CLINT1: variants seen among roughly 807,000 people sequenced by gnomAD.
CLINT1 encodes clathrin interacting protein localized in the trans-Golgi region.
In CLINT1, 15 loss-of-function variants were observed where a neutral mutation model predicts 70.4. The ratio of observed to expected loss-of-function variants is 0.21; its 90% CI spans 0.14 to 0.33. The LOEUF is 0.33. CLINT1 is among the 10% of genes least tolerant of loss of function. CLINT1 has a pLI of 1.00. For synonymous variants in CLINT1, 227 were observed against 254.7 expected (o/e 0.89, Z 1.04); for missense variants, 615 against 778.1 (o/e 0.79, Z 2.49).
intron 1 of CLINT1, among the ~76,000 whole-genome samples, chr5:157,854,107 C>CTA (rs1430618687): frequency 6.6e-6 from 1 of 152,188 alleles, no homozygotes; most frequent in Non-Finnish European, 1.5e-5. Context: ...AACTATCTTA[C>CTA]TATCTCTGCT....
intron 6 of CLINT1, among the ~76,000 whole-genome samples, chr5:157,806,490 G>A (rs1762388242): frequency 6.8e-6 from 1 of 147,844 alleles, no homozygotes; most frequent in Non-Finnish European, 1.5e-5. Context: ...ACTTGCATGT[G>A]ATGATTATTT....
At chr5:157,848,970 G>C (rs758239976) in intron 1 of CLINT1, among the ~76,000 whole-genome samples, 9 of 152,022 alleles carry the variant, frequency 5.9e-5, no homozygotes, top group Non-Finnish European at 1.3e-4. Flanking sequence ...CCGAATTTTT[G>C]TATTTTTAGT....
chr5:157,816,296 T>G (rs1456745880), intron 3 of CLINT1, among the ~76,000 whole-genome samples: 1 of 152,176 alleles, frequency 6.6e-6, no homozygotes, highest in Non-Finnish European at 1.5e-5. Context: ...AAGTTCGTAT[T>G]CATAAGTTTA....
intron 6 of CLINT1, among the ~76,000 whole-genome samples, chr5:157,806,963 G>A (rs13163722): frequency 0.083 from 12,279 of 147,464 alleles, 1,994 homozygotes; most frequent in Non-Finnish European, 0.12. Context: ...GATGTAAGTA[G>A]GAGAGAGAGA....
intron 11 of CLINT1, among the ~76,000 whole-genome samples, chr5:157,788,515 T>A (rs1264078828): frequency 6.6e-6 from 1 of 152,126 alleles, no homozygotes; most frequent in Non-Finnish European, 1.5e-5. Context: ...TGGAAACAAT[T>A]GAAATAATTA....
intron 1 of CLINT1, among the ~76,000 whole-genome samples, chr5:157,856,626 C>T (rs1031353051): frequency 2.0e-5 from 3 of 152,144 alleles, no homozygotes; most frequent in East Asian, 3.9e-4. Context: ...AAGATGCTTA[C>T]ATTTGGGGGG....
intron 1 of CLINT1, chr5:157,823,843 A>G: frequency 4.7e-6 from 1 of 210,982 alleles, no homozygotes; most frequent in Non-Finnish European, 8.2e-6. Flanking sequence ...GTGGCGAGCG[A>G]GCGTCACTGC....
chr5:157,807,574 A>G (rs921391923), intron 6 of CLINT1, among the ~76,000 whole-genome samples: 2 of 151,956 alleles, frequency 1.3e-5, no homozygotes, highest in Non-Finnish European at 2.9e-5. Context: ...CAAAAAATCT[A>G]CTCTTCTCTC....
At position 157,787,356 on chromosome 5, in the gene CLINT1, C is replaced by G; in HGVS notation, c.*290G>C. The G allele has an allele frequency of 2.7e-6, 1 of 372,730 alleles. No homozygotes were observed. The highest frequency in any genetic ancestry group is 7.7e-4 in the Middle Eastern group (1 of 1,306). 23.1% of individuals were successfully genotyped at this position (372,730 alleles called of 1,614,324 possible). ...TATTCCAGTCTTCCCACAAATTATG[C>G]TGTTAAATGGACTCTTCAGTTGATA... On this transcript the variant is annotated 3_prime_UTR_variant, in exon 12 of 12. Transcript: ENST00000411809.
At chr5:157,828,468 T>C (rs1254056272) in intron 1 of CLINT1, among the ~76,000 whole-genome samples, 1 of 151,980 alleles carries the variant, frequency 6.6e-6, no homozygotes, top group Non-Finnish European at 1.5e-5. Context: ...CACAAAAGTA[T>C]ATGAACGCTA....
At chr5:157,794,769 A>C in intron 9 of CLINT1, 129 bp downstream of exon 9, 1 of 700,190 alleles carries the variant, frequency 1.4e-6, no homozygotes, top group African/African-American at 1.8e-5. Flanking sequence ...CTTGTGAATA[A>C]ATTCTTTAGG....
intron 1 of CLINT1, among the ~76,000 whole-genome samples, chr5:157,855,021 G>A (rs1753707626): frequency 6.6e-6 from 1 of 151,950 alleles, no homozygotes. Context: ...GTAGACGCCT[G>A]TAATCCCAGC....
chr5:157,798,508 T>A (rs868114771), intron 8 of CLINT1, among the ~76,000 whole-genome samples: 10 of 152,270 alleles, frequency 6.6e-5, no homozygotes, highest in Middle Eastern at 3.4e-3. Context: ...GACAAAAAAA[T>A]TTAATCTAGA....
intron 1 of CLINT1, among the ~76,000 whole-genome samples, chr5:157,843,619 A>T (rs1167004483): frequency 6.6e-6 from 1 of 152,120 alleles, no homozygotes; most frequent in Non-Finnish European, 1.5e-5. Context: ...TAAAACTAAT[A>T]CTCCAAGAAA....
rs1762299520 is a variant in CLINT1 at position 157,803,691 on chromosome 5, C to T, written c.971G>A (p.Gly324Asp). 2 of 1,557,678 alleles carry T rather than the reference C, an allele frequency of 1.3e-6. No homozygotes were observed. The highest frequency in any genetic ancestry group is 1.7e-5 in the Admixed American group (1 of 57,626). The change falls in exon 8 of 12, where the codon GGT becomes GAT. Residue 324 changes from glycine (G) to aspartate (D), a missense_variant. Physicochemically the swap from Gly to Asp is moderately conservative, Grantham distance 94. Transcript: ENST00000411809. The part of the protein sequence containing the change: ...KTSVPSSKSS[G>D]DLVDLFDGTS... ...GCCATCAAACAGATCAACAAGGTCA[C>T]CAGATGACTTGCTGCTAGGCACTGA...
chr5:157,828,510 C>T (rs940693726), intron 1 of CLINT1, among the ~76,000 whole-genome samples: 2 of 151,974 alleles, frequency 1.3e-5, no homozygotes, highest in Non-Finnish European at 2.9e-5. Context: ...TACATGTGAG[C>T]AAAGCCCGGA....
At chr5:157,851,950 T>C (rs1038326822) in intron 1 of CLINT1, among the ~76,000 whole-genome samples, 11 of 152,272 alleles carry the variant, frequency 7.2e-5, no homozygotes, top group Admixed American at 2.0e-4. Flanking sequence ...ATTTGAGGGG[T>C]TGAATAACCA....
intron 1 of CLINT1, among the ~76,000 whole-genome samples, chr5:157,849,389 T>A (rs1753496379): frequency 6.6e-6 from 1 of 152,230 alleles, no homozygotes; most frequent in South Asian, 2.1e-4. Flanking sequence ...GTATGTACTT[T>A]TTTAAACATA....
At chr5:157,858,256 A>T (rs939436571) in intron 1 of CLINT1, among the ~76,000 whole-genome samples, 1 of 152,186 alleles carries the variant, frequency 6.6e-6, no homozygotes, top group Non-Finnish European at 1.5e-5. Flanking sequence ...GCACACCAAA[A>T]ATGATGTGTA....
Sources: allele counts gnomAD v4.1 joint callset (sites outside exome capture counted in the v4.1 genomes callset), GRCh38; gene constraint gnomAD v4.1.1; transcripts MANE v1.5; gene names NCBI Gene and HGNC (gene_info 2026-07-23, HGNC 2026-07-21).